AKAP19: variants seen among roughly 807,000 people sequenced by gnomAD.
The protein encoded by AKAP19 is small A-kinase anchoring protein.
the AKAP19 span, among the ~76,000 whole-genome samples, chr2:190,069,927 G>A: frequency 3.9e-4 from 60 of 152,182 alleles, no homozygotes; most frequent in African/African-American, 1.4e-3. Context: ...CCCAGAGAGA[G>A]GTTATATGAT....
the AKAP19 span, among the ~76,000 whole-genome samples, chr2:190,037,764 T>C: frequency 6.6e-6 from 1 of 152,336 alleles, no homozygotes; most frequent in Non-Finnish European, 1.5e-5. Flanking sequence ...GGGGTTCAAT[T>C]ATAATAGTTG....
the AKAP19 span, among the ~76,000 whole-genome samples, chr2:190,192,576 G>C: frequency 8.6e-5 from 13 of 151,792 alleles, no homozygotes. Context: ...CTACAGAAAA[G>C]CCTGCTGGAA....
the AKAP19 span, among the ~76,000 whole-genome samples, chr2:190,052,201 T>C: frequency 2.9e-4 from 44 of 152,270 alleles, no homozygotes; most frequent in African/African-American, 6.5e-4. Context: ...TGTTCCCCAG[T>C]AGAATTCTTC....
At chr2:189,917,176 C>A in the AKAP19 span, 3 of 614,728 alleles carry the variant, frequency 4.9e-6, no homozygotes, top group Non-Finnish European at 8.2e-6. Flanking sequence ...TTTTAAAATA[C>A]ATCAATGATG....
At chr2:190,059,983 G>A in the AKAP19 span, 9 of 1,437,588 alleles carry the variant, frequency 6.3e-6, no homozygotes, top group Non-Finnish European at 7.7e-6. Flanking sequence ...GGAATTTGTA[G>A]CTATTTTCCA....
chr2:189,997,002 G>A, the AKAP19 span, among the ~76,000 whole-genome samples: 1 of 152,212 alleles, frequency 6.6e-6, no homozygotes, highest in African/African-American at 2.4e-5. Context: ...AGGTGGAAGA[G>A]GAGTGAAGTA....
the AKAP19 span, among the ~76,000 whole-genome samples, chr2:190,045,100 G>A: frequency 1.3e-5 from 2 of 152,122 alleles, no homozygotes; most frequent in Admixed American, 6.5e-5. Flanking sequence ...CTCCCTCTAA[G>A]AGTGCTGTCC....
chr2:190,101,749 G>A, the AKAP19 span, among the ~76,000 whole-genome samples: 1 of 151,500 alleles, frequency 6.6e-6, no homozygotes, highest in South Asian at 2.1e-4. Context: ...GTAATAGTGG[G>A]GAACTTGAAC....
the AKAP19 span, among the ~76,000 whole-genome samples, chr2:189,905,473 C>T: frequency 4.6e-5 from 7 of 151,876 alleles, no homozygotes; most frequent in Non-Finnish European, 7.4e-5. Flanking sequence ...CTCATAGTCA[C>T]GGGAAAAGTC....
At chr2:190,085,606 T>C in the AKAP19 span, among the ~76,000 whole-genome samples, 1 of 152,208 alleles carries the variant, frequency 6.6e-6, no homozygotes, top group African/African-American at 2.4e-5. Context: ...GGGCCATTTC[T>C]TTCCTTCATT....
the AKAP19 span, among the ~76,000 whole-genome samples, chr2:190,127,380 C>T: frequency 6.6e-6 from 1 of 151,480 alleles, no homozygotes; most frequent in East Asian, 1.9e-4. Context: ...CGCACATCCC[C>T]AAATGACCAC....
At chr2:190,189,270 G>T in the AKAP19 span, among the ~76,000 whole-genome samples, 2 of 152,220 alleles carry the variant, frequency 1.3e-5, no homozygotes, top group African/African-American at 4.8e-5. Context: ...AAGGGAGAAA[G>T]TTAACACTTA....
chr2:190,004,212 A>G, the AKAP19 span, among the ~76,000 whole-genome samples: 1 of 152,186 alleles, frequency 6.6e-6, no homozygotes, highest in African/African-American at 2.4e-5. Flanking sequence ...AGCATGGCAC[A>G]TGTATACATA....
chr2:190,011,892 CAA>C, the AKAP19 span, among the ~76,000 whole-genome samples: 1 of 151,914 alleles, frequency 6.6e-6, no homozygotes. Context: ...TCTTTTTGCT[CAA>C]GATTGCCTTG....
At chr2:190,164,513 G>A in the AKAP19 span, among the ~76,000 whole-genome samples, 1 of 152,128 alleles carries the variant, frequency 6.6e-6, no homozygotes, top group East Asian at 1.9e-4. Context: ...CTGGGCAACA[G>A]AGCCAGACTC....
the AKAP19 span, among the ~76,000 whole-genome samples, chr2:189,981,501 G>A: frequency 6.6e-6 from 1 of 152,072 alleles, no homozygotes; most frequent in African/African-American, 2.4e-5. Context: ...GGCTGTTAAT[G>A]TTCAAGGTTA....
chr2:190,055,470 A>G, the AKAP19 span, among the ~76,000 whole-genome samples: 1 of 152,178 alleles, frequency 6.6e-6, no homozygotes. Flanking sequence ...CCTAAAACTT[A>G]AAGTATAATA....
At chr2:189,998,006 A>C in the AKAP19 span, among the ~76,000 whole-genome samples, 1 of 152,008 alleles carries the variant, frequency 6.6e-6, no homozygotes, top group Non-Finnish European at 1.5e-5. Flanking sequence ...TTTTACTTTT[A>C]TATTTTGTGC....
chr2:190,021,642 C>T, the AKAP19 span, among the ~76,000 whole-genome samples: 1,777 of 152,282 alleles, frequency 0.012, 32 homozygotes, highest in African/African-American at 0.041. Flanking sequence ...AATGACTGGG[C>T]ATGGTGCAGA....
Sources: allele counts gnomAD v4.1 joint callset (sites outside exome capture counted in the v4.1 genomes callset), GRCh38; gene constraint gnomAD v4.1.1; transcripts MANE v1.5; gene names NCBI Gene and HGNC (gene_info 2026-07-23, HGNC 2026-07-21).